Variants in ATRNL1 observed in about 807,000 individuals in gnomAD.
The protein encoded by ATRNL1 is attractin like 1.
A neutral mutation model predicts 182.7 loss-of-function variants in ATRNL1; 95 were observed. The ratio of observed to expected loss-of-function variants is 0.52; its 90% confidence interval spans 0.44 to 0.62. The LOEUF (loss-of-function observed/expected upper bound fraction) is 0.62. Among genes scored for constraint, ATRNL1 ranks in the 20% least tolerant of loss-of-function variants. The probability of loss-of-function intolerance (pLI) is 0.00; values close to 1 mark genes in which losing one functional copy is unlikely to be tolerated. For synonymous variants in ATRNL1, 576 were observed against 568.3 expected (o/e 1.01, Z -0.19); for missense variants, 1,471 against 1,679.5 (o/e 0.88, Z 2.17).
At chr10:115,729,059 T>C (rs1322510691) in intron 27 of ATRNL1, among the ~76,000 whole-genome samples, 1 of 152,008 alleles carries the variant, frequency 6.6e-6, no homozygotes, top group African/African-American at 2.4e-5. Context: ...ACACATAGAC[T>C]AAAGAAGAAA....
At chr10:115,743,565 G>A (rs1285255138) in intron 27 of ATRNL1, among the ~76,000 whole-genome samples, 1 of 152,114 alleles carries the variant, frequency 6.6e-6, no homozygotes, top group Non-Finnish European at 1.5e-5. Context: ...AATTATGTAG[G>A]AGCACAGTCC....
intron 24 of ATRNL1, among the ~76,000 whole-genome samples, chr10:115,500,308 A>C (rs781809058): frequency 2.0e-5 from 3 of 152,192 alleles, no homozygotes; most frequent in Non-Finnish European, 4.4e-5. Context: ...AAATAAGGAA[A>C]ACAAATTGAA....
chr10:115,334,137 G>T (rs977712890), intron 18 of ATRNL1, 145 bp from the exon 19 acceptor site: 1 of 482,228 alleles, frequency 2.1e-6, no homozygotes, highest in Middle Eastern at 5.5e-4. Flanking sequence ...TGAGCTATAT[G>T]TGTTATTAAT....
chr10:115,096,637 T>A (rs1273711232), intron 1 of ATRNL1: 4 of 1,287,536 alleles, frequency 3.1e-6, no homozygotes, highest in Non-Finnish European at 4.1e-6. Context: ...GCTTTTTTTC[T>A]ACTATAGGGA....
intron 21 of ATRNL1, among the ~76,000 whole-genome samples, chr10:115,448,004 C>T (rs1461747103): frequency 1.3e-5 from 2 of 151,940 alleles, no homozygotes; most frequent in Non-Finnish European, 2.9e-5. Flanking sequence ...TATCATTTTA[C>T]ATATTTATTG....
At chr10:115,457,585 T>C (rs1356259459) in intron 21 of ATRNL1, among the ~76,000 whole-genome samples, 1 of 152,066 alleles carries the variant, frequency 6.6e-6, no homozygotes, top group African/African-American at 2.4e-5. Context: ...TTAGATCTTT[T>C]CTCTGCCCGC....
At chr10:115,803,673 T>A (rs145112285) in intron 27 of ATRNL1, among the ~76,000 whole-genome samples, 1 of 152,224 alleles carries the variant, frequency 6.6e-6, no homozygotes, top group African/African-American at 2.4e-5. Flanking sequence ...TACTACAGAA[T>A]GAATCCTAGT....
intron 28 of ATRNL1, among the ~76,000 whole-genome samples, chr10:115,919,464 A>G (rs147889562): frequency 6.6e-6 from 1 of 152,272 alleles, no homozygotes; most frequent in Non-Finnish European, 1.5e-5. Context: ...GAAACTTCCC[A>G]CATGTCTATT....
intron 6 of ATRNL1, among the ~76,000 whole-genome samples, chr10:115,162,785 A>T (rs1846853838): frequency 6.6e-6 from 1 of 151,506 alleles, no homozygotes. Flanking sequence ...ACTGAAAAAG[A>T]ATGACTGGTG....
intron 25 of ATRNL1, among the ~76,000 whole-genome samples, chr10:115,545,387 G>C (rs1362475971): frequency 2.6e-5 from 4 of 151,902 alleles, no homozygotes; most frequent in Admixed American, 1.3e-4. Flanking sequence ...TTCTTACACT[G>C]TTTATTGATT....
intron 13 of ATRNL1, among the ~76,000 whole-genome samples, chr10:115,273,609 T>A (rs1851969728): frequency 6.6e-6 from 1 of 152,232 alleles, no homozygotes; most frequent in South Asian, 2.1e-4. Context: ...TTCCTTTCAC[T>A]ACTGTACTTC....
At chr10:115,321,992 C>T (rs1170363339) in intron 18 of ATRNL1, among the ~76,000 whole-genome samples, 2 of 151,860 alleles carry the variant, frequency 1.3e-5, no homozygotes, top group Non-Finnish European at 2.9e-5. Context: ...AAAAGGAAAT[C>T]AAGAAGGTAA....
At chr10:115,215,617 C>G in intron 8 of ATRNL1, 80 bp from the exon 9 acceptor site, 4 of 1,067,380 alleles carry the variant, frequency 3.7e-6, no homozygotes, top group Non-Finnish European at 5.3e-6. Flanking sequence ...TTAGAATTAA[C>G]TTGTTGGTAT....
At chr10:115,533,548 A>C (rs1851747335) in intron 25 of ATRNL1, among the ~76,000 whole-genome samples, 1 of 152,118 alleles carries the variant, frequency 6.6e-6, no homozygotes, top group East Asian at 1.9e-4. Context: ...CCTTTCAAAA[A>C]ACCAGCTCCT....
At chr10:115,778,050 T>G (rs547848730) in intron 27 of ATRNL1, among the ~76,000 whole-genome samples, 1 of 152,294 alleles carries the variant, frequency 6.6e-6, no homozygotes, top group Admixed American at 6.5e-5. Context: ...GGGGCCGGAC[T>G]TTCTTTGAGA....
At chr10:115,924,814 T>A (rs576446333) in intron 28 of ATRNL1, among the ~76,000 whole-genome samples, 1 of 152,330 alleles carries the variant, frequency 6.6e-6, no homozygotes, top group East Asian at 1.9e-4. Flanking sequence ...TGGAATAGCG[T>A]TGGATCTATA....
intron 24 of ATRNL1, among the ~76,000 whole-genome samples, chr10:115,509,325 G>A (rs1170248102): frequency 1.3e-5 from 2 of 151,980 alleles, no homozygotes; most frequent in Non-Finnish European, 2.9e-5. Context: ...AACTGATACG[G>A]TTTGGGTGGT....
At chr10:115,746,024 A>G (rs1555069081) in intron 27 of ATRNL1, among the ~76,000 whole-genome samples, 1 of 152,160 alleles carries the variant, frequency 6.6e-6, no homozygotes, top group East Asian at 1.9e-4. Context: ...ACTCCATTAT[A>G]TAAGAAAAGA....
At chr10:115,517,686 C>A (rs1554984208) in intron 24 of ATRNL1, among the ~76,000 whole-genome samples, 1 of 151,658 alleles carries the variant, frequency 6.6e-6, no homozygotes, top group Non-Finnish European at 1.5e-5. Flanking sequence ...TCCTCCTATT[C>A]CAATTTGTCT....
Sources: allele counts gnomAD v4.1 joint callset (sites outside exome capture counted in the v4.1 genomes callset), GRCh38; gene constraint gnomAD v4.1.1; transcripts MANE v1.5; gene names NCBI Gene and HGNC (gene_info 2026-07-23, HGNC 2026-07-21).